The following SDR42E2 variants were observed in gnomAD, a reference collection of about 807,000 sequenced individuals.
SDR42E2 encodes the protein putative short-chain dehydrogenase/reductase family 42E member 2.
A neutral mutation model predicts 10.5 loss-of-function variants in SDR42E2; 20 were observed. The ratio of observed to expected loss-of-function variants is 1.90; its 90% CI spans 1.34 to 2.77. The LOEUF is 2.77. Ranked by LOEUF, SDR42E2 falls within the 30% of genes most tolerant of loss-of-function variation. SDR42E2 has a pLI of 0.00. For missense variants in SDR42E2, 162 were observed against 104.2 expected (o/e 1.55, Z -2.42); for synonymous variants, 72 against 39.2 (o/e 1.84, Z -3.12).
In SDR42E2 at chr16:22,175,009, C is replaced by T. The variant is rs182126168; in HGVS notation, c.589+2678C>T. ...GGTTCCTGAAACTGTTCTTCTGACT[C>T]GGCGCAGAGGTCCGTAGTCCTGGGA... On this transcript the variant is annotated intron_variant, in intron 7 of 12. Coordinates refer to ENST00000602312, the MANE Select transcript of SDR42E2 (RefSeq NM_001394319.2). 5.9e-5 allele frequency among the ~76,000 whole-genome samples: 9 copies of T among 152,252 alleles called. No homozygotes were observed. In the East Asian group the frequency reaches 1.5e-3, roughly 26 times the overall value.
chr16:22,166,282 A>G lies in SDR42E2; in HGVS notation c.88A>G (p.Lys30Glu). 1 of 402,294 alleles carries G rather than the reference A, an allele frequency of 2.5e-6. No individual in the cohort carries two copies. Among genetic ancestry groups the G allele is most frequent in the Non-Finnish European group, 4.4e-6 (1 of 227,028 alleles). 24.9% of individuals were successfully genotyped at this position (402,294 alleles called of 1,614,324 possible). A position where few individuals can be genotyped will look rare whatever the true frequency, so the allele number is the denominator to read the frequency against. Residue 30 changes from lysine to glutamate, a missense_variant, in exon 3 of 13, where the codon AAG (lysine) becomes GAG (glutamate). Transcript: ENST00000602312. ...PQQKTQAKPT[K>E]AARQKVLVTG... is the part of the protein sequence containing the mutation. Reference sequence around the variant, plus strand: ...GCAGAAGACTCAAGCCAAACCTACAAAGGCTGCCAGGCAGAAGGTTCTAGT... The same window carrying G: ...GCAGAAGACTCAAGCCAAACCTACAGAGGCTGCCAGGCAGAAGGTTCTAGT...
rs550647440 is a variant in SDR42E2, at chr16:22,182,187, G to T, written c.811-25G>T. On this transcript the variant is annotated intron_variant, in intron 9 of 12. Transcript: ENST00000602312. Reference sequence around the variant, plus strand: ...CAGGCTGCTGGGGAGAAGGCTGACCGTCCCCTCCCACATGTCCCCTTCAGA... The same window carrying T: ...CAGGCTGCTGGGGAGAAGGCTGACCTTCCCCTCCCACATGTCCCCTTCAGA... 5 of 405,788 alleles carry T rather than the reference G, an allele frequency of 1.2e-5. No homozygotes were observed. In the Admixed American group the frequency reaches 2.2e-4, roughly 17 times the overall value. 25.1% of individuals were successfully genotyped at this position (405,788 alleles called of 1,614,324 possible).
At chr16:22,164,029 G>C (rs1341455201) in intron 1 of SDR42E2, among the ~76,000 whole-genome samples, 1 of 150,576 alleles carries the variant, frequency 6.6e-6, no homozygotes, top group Admixed American at 6.6e-5. Context: ...ACCTAGCCCT[G>C]GTCATCCAGC....
intron 10 of SDR42E2, among the ~76,000 whole-genome samples, chr16:22,183,274 A>T (rs1262152879): frequency 6.6e-6 from 1 of 151,902 alleles, no homozygotes; most frequent in Non-Finnish European, 1.5e-5. Context: ...GGTGCACACC[A>T]CCCTGCTCGG....
At chr16:22,178,326 T>TGAGCC (rs1395302627) in intron 8 of SDR42E2, 114 bp downstream of exon 8, 2 of 618,994 alleles carry the variant, frequency 3.2e-6, no homozygotes, top group Non-Finnish European at 5.8e-6. Context: ...CTAAGTGTCC[T>TGAGCC]GAGCCTGGAA....
rs889645083 is a variant in SDR42E2 at position 22,190,963 on chromosome 16, C to T, written c.*570C>T. 4 of 151,220 alleles carry T rather than the reference C, an allele frequency of 2.6e-5. No individual in the cohort carries two copies. Among genetic ancestry groups the T allele is most frequent in the African/African-American group, 9.9e-5 (4 of 40,338 alleles). The allele number at this position is 151,220 out of a possible 1,614,324, so 9.4% of individuals were successfully genotyped here. ...TCCAGGCCTAACCCCGCCTTCATGT[C>T]ATAGCCACGCCCCTTCCCGCCCTTC... On this transcript the variant is annotated 3_prime_UTR_variant, in exon 13 of 13. Transcript: ENST00000602312.
At chr16:22,182,061 G>A (rs2046700042) in intron 9 of SDR42E2, among the ~76,000 whole-genome samples, 151 bp from the exon 10 acceptor site, 1 of 152,174 alleles carries the variant, frequency 6.6e-6, no homozygotes, top group African/African-American at 2.4e-5. Context: ...TGGTCGTCCT[G>A]GAATTCACAG....
intron 5 of SDR42E2, among the ~76,000 whole-genome samples, chr16:22,170,303 G>A (rs978140032): frequency 3.3e-5 from 5 of 152,114 alleles, no homozygotes; most frequent in African/African-American, 1.2e-4. Context: ...GTGGTGAGCC[G>A]AGATCGCGCC....
Position 22,162,570 on chromosome 16 carries a change from C to T in SDR42E2, c.-37+6C>T, listed in dbSNP as rs2046507004. Among the ~76,000 whole-genome samples the T allele has an allele frequency of 6.6e-6, 1 of 152,146 alleles. No homozygotes were observed. The highest frequency in any genetic ancestry group is 2.4e-5 in the African/African-American group (1 of 41,444). On this transcript the variant is annotated splice_donor_region_variant and intron_variant, in intron 1 of 12. Coordinates refer to ENST00000602312, the MANE Select transcript of SDR42E2 (RefSeq NM_001394319.2). ...GCCGCGGGAGCCCGGGCCAGGTGAGCGAAGCCCGGACGCGGGCCAGGGAGG... is the reference window on the plus strand; with the variant it reads ...GCCGCGGGAGCCCGGGCCAGGTGAGTGAAGCCCGGACGCGGGCCAGGGAGG...
intron 12 of SDR42E2, among the ~76,000 whole-genome samples, chr16:22,188,130 G>A (rs1033289376): frequency 1.2e-4 from 18 of 151,578 alleles, no homozygotes; most frequent in African/African-American, 3.1e-4. Flanking sequence ...GTCCACTCTC[G>A]TTTTATTGTC....
chr16:22,165,073 G>A (rs1343216164), intron 1 of SDR42E2, among the ~76,000 whole-genome samples: 1 of 151,772 alleles, frequency 6.6e-6, no homozygotes, highest in Admixed American at 6.6e-5. Context: ...CCACACTGGA[G>A]TTTTTTGTTT....
chr16:22,190,233 T>C lies in SDR42E2; in HGVS notation c.1109T>C (p.Val370Ala). The change falls in exon 13 of 13, where the codon GTG becomes GCG. Residue 370 changes from valine (V) to alanine (A), a missense_variant. By Grantham distance (64) the Val-to-Ala change is moderately conservative. Transcript: ENST00000602312. ...APDKFRFADA[V>A]ELYVQSTTRR... is the part of the protein sequence containing the mutation. The stretch of plus-strand genomic sequence containing the variant: ...GATAAGTTTAGGTTCGCCGACGCCG[T>C]GGAGCTATACGTGCAGTCCACGACC... 1 of 401,128 alleles carries C rather than the reference T, an allele frequency of 2.5e-6. No homozygotes were observed. 24.8% of individuals were successfully genotyped at this position (401,128 alleles called of 1,614,324 possible). A position where few individuals can be genotyped will look rare whatever the true frequency, so the allele number is the denominator to read the frequency against.
rs1036528269 is a variant in SDR42E2, at chr16:22,190,366, TCTG to T, written c.1244_1246del (p.Leu415del). On this transcript the variant is annotated inframe_deletion, in exon 13 of 13. Transcript: ENST00000602312. ...CCCTGCACTTCCTAGGCCTGCAGCC[TCTG>T]CACGCCGCCGTGGAGCGCCTGTGAC... is the stretch of plus-strand genomic sequence containing the variant. 2.5e-6 allele frequency: 1 copy of T among 402,042 alleles called. No individual in the cohort carries two copies. Among genetic ancestry groups the T allele is most frequent in the African/African-American group, 2.1e-5 (1 of 48,764 alleles). The allele number at this position is 402,042 out of a possible 1,614,324, so 24.9% of individuals were successfully genotyped here.
rs1289056129 is a variant in SDR42E2 at position 22,169,510 on chromosome 16, C to A, written c.394+8C>A. The A allele has an allele frequency of 1.1e-5, 8 of 703,398 alleles. No homozygotes were observed. The highest frequency in any genetic ancestry group is 2.3e-4 in the Middle Eastern group (1 of 4,398). 43.6% of individuals were successfully genotyped at this position (703,398 alleles called of 1,614,324 possible). A position where few individuals can be genotyped will look rare whatever the true frequency, so the allele number is the denominator to read the frequency against. Reference sequence around the variant, plus strand: ...CCAAACTAGTGATTGATGGTAGGTGCTCAGAGCCGGGTATGACCTGCTGTG... The same window carrying A: ...CCAAACTAGTGATTGATGGTAGGTGATCAGAGCCGGGTATGACCTGCTGTG... On this transcript the variant is annotated splice_region_variant and intron_variant, in intron 5 of 12. Coordinates refer to ENST00000602312, the MANE Select transcript of SDR42E2 (RefSeq NM_001394319.2).
At chr16:22,162,943 C>T (rs77862321) in intron 1 of SDR42E2, among the ~76,000 whole-genome samples, 2,754 of 152,244 alleles carry the variant, frequency 0.018, 96 homozygotes, top group African/African-American at 0.062. Context: ...ATCCCGAACA[C>T]GCCCCAGAGA....
chr16:22,190,048 T>G (rs2046760916), intron 12 of SDR42E2, 91 bp from the exon 13 acceptor site: 1 of 400,094 alleles, frequency 2.5e-6, no homozygotes, highest in Non-Finnish European at 4.4e-6. Flanking sequence ...GGGAAATCCC[T>G]GCCCTCTCTT....
rs1483545837 is a variant in SDR42E2, at chr16:22,169,833, C to T, written c.394+331C>T. Among the ~76,000 whole-genome samples the T allele has an allele frequency of 2.0e-5, 3 of 151,634 alleles. No individual in the cohort carries two copies. The East Asian group carries it at 5.8e-4, about 29-fold the overall frequency. On this transcript the variant is annotated intron_variant, in intron 5 of 12. Coordinates refer to ENST00000602312, the MANE Select transcript of SDR42E2 (RefSeq NM_001394319.2). ...ATCACCTGAGGTCAAGAGTTCGAGA[C>T]CAGCCTGGCCAAAATGGTGAAACCC...
At chr16:22,181,280 C>A (rs973516213) in intron 8 of SDR42E2, among the ~76,000 whole-genome samples, 1 of 152,056 alleles carries the variant, frequency 6.6e-6, no homozygotes, top group African/African-American at 2.4e-5. Context: ...ACTGACTGGT[C>A]CACTGGGAAG....
intron 4 of SDR42E2, among the ~76,000 whole-genome samples, chr16:22,167,972 G>A (rs895774678): frequency 6.6e-6 from 1 of 152,134 alleles, no homozygotes; most frequent in African/African-American, 2.4e-5. Flanking sequence ...GCTGCCTCTG[G>A]GGAGGGAAAA....
Sources: allele counts gnomAD v4.1 joint callset (sites outside exome capture counted in the v4.1 genomes callset), GRCh38; gene constraint gnomAD v4.1.1; transcripts MANE v1.5; gene names NCBI Gene and HGNC (gene_info 2026-07-23, HGNC 2026-07-21).